Variants in AMACR observed in about 807,000 individuals in gnomAD.
AMACR encodes the protein 2-methylacyl-CoA racemase.
In AMACR, 18 loss-of-function variants were observed where a neutral mutation model predicts 22.2. That is an observed-to-expected ratio of 0.81 (90% CI 0.56 to 1.20). AMACR has a LOEUF of 1.20. AMACR is among the 50% of genes most tolerant of loss of function. The probability of loss-of-function intolerance (pLI) is 0.00; values close to 1 mark genes in which losing one functional copy is unlikely to be tolerated. For missense variants in AMACR, 499 were observed against 490.6 expected (o/e 1.02, Z -0.16); for synonymous variants, 213 against 191.3 (o/e 1.11, Z -0.94).
Position 33,998,827 on chromosome 5 carries a change from C to G in AMACR, c.553G>C (p.Val185Leu). 1 of 1,613,904 alleles carries G rather than the reference C, an allele frequency of 6.2e-7. No homozygotes were observed. Among genetic ancestry groups the G allele is most frequent in the Non-Finnish European group, 8.5e-7 (1 of 1,179,842 alleles). Residue 185 changes from valine to leucine, a missense_variant and splice_region_variant, in exon 4 of 5, where the codon GTG becomes CTG. Val to Leu is a conservative substitution (Grantham distance 32). Coordinates refer to ENST00000335606, the MANE Select transcript of AMACR (RefSeq NM_014324.6). Reference protein sequence around the residue: ...GKGQVIDANMVEGTAYLSSFL... With the variant: ...GKGQVIDANMLEGTAYLSSFL... ...GAACTTAAATATGCTGTTCCTTCCA[C>G]CTTTGAGAAAACAGAATACAAGACA... is the stretch of plus-strand genomic sequence containing the variant.
At position 34,007,981 on chromosome 5, in the gene AMACR, G is replaced by C. The variant is rs998840712; in HGVS notation, c.39C>G (p.Gly13=). Residue 13 remains glycine (G), a synonymous_variant, in exon 1 of 5, where the codon GGC becomes GGG. Transcript: ENST00000335606. ...LQGISVVELS[G]LAPGPFCAMV... ...TAGCACAGAACGGGCCCGGGGCCAGGCCGGACAGCTCCACGACCGAGATGC... is the reference window on the plus strand; with the variant it reads ...TAGCACAGAACGGGCCCGGGGCCAGCCCGGACAGCTCCACGACCGAGATGC... 11 of 1,611,498 alleles carry C rather than the reference G, an allele frequency of 6.8e-6. No individual in the cohort carries two copies. The highest frequency in any genetic ancestry group is 9.3e-6 in the Non-Finnish European group (11 of 1,179,770).
intron 4 of AMACR, among the ~76,000 whole-genome samples, chr5:33,991,865 C>T (rs1230554703): frequency 6.6e-6 from 1 of 151,772 alleles, no homozygotes; most frequent in Non-Finnish European, 1.5e-5. Flanking sequence ...CTCAGCCTCC[C>T]TATTTTTATT....
intron 4 of AMACR, among the ~76,000 whole-genome samples, chr5:33,996,310 T>C (rs1753632900): frequency 6.6e-6 from 1 of 152,158 alleles, no homozygotes. Context: ...AACATATTCC[T>C]GAGAATTTTT....
intron 1 of AMACR, among the ~76,000 whole-genome samples, chr5:34,006,280 C>G (rs1753975374): frequency 6.6e-6 from 1 of 152,214 alleles, no homozygotes; most frequent in Non-Finnish European, 1.5e-5. Context: ...TCTTCCCTAT[C>G]AGCTCATGAG....
At chr5:33,991,880 T>C (rs577595068) in intron 4 of AMACR, among the ~76,000 whole-genome samples, 6 of 152,008 alleles carry the variant, frequency 3.9e-5, no homozygotes, top group African/African-American at 1.2e-4. Context: ...TTTATTTATT[T>C]GTTTACTTAT....
chr5:34,007,850 A>C lies in AMACR; in HGVS notation c.170T>G (p.Leu57Arg). 1.9e-6 allele frequency: 3 copies of C among 1,583,374 alleles called. No individual in the cohort carries two copies. The highest frequency in any genetic ancestry group is 2.6e-6 in the Non-Finnish European group (3 of 1,167,654). ...CACGGCGGCTCCCCGCGGCTGCTTC[A>C]GGTCCAGCACTAGCGAGCGCTTGCC... ...GRGKRSLVLD[L>R]KQPRGAAVLR... The change falls in exon 1 of 5, where the codon CTG becomes CGG. Residue 57 changes from leucine (L) to arginine (R), a missense_variant. Leu to Arg is a moderately radical substitution (Grantham distance 102). Coordinates refer to ENST00000335606, the MANE Select transcript of AMACR (RefSeq NM_014324.6).
Position 33,987,674 on chromosome 5 carries a change from T to A in AMACR, c.*1419A>T, listed in dbSNP as rs1753335364. On this transcript the variant is annotated 3_prime_UTR_variant, in exon 5 of 5. Transcript: ENST00000335606. ...ATGGACACCAACATGGAGCAGAAAATGAGGGCAGCAGTGTCCAATCTCATT... is the reference window on the plus strand; with the variant it reads ...ATGGACACCAACATGGAGCAGAAAAAGAGGGCAGCAGTGTCCAATCTCATT... 6.6e-6 allele frequency: 1 copy of A among 152,188 alleles called. No individual in the cohort carries two copies. Among genetic ancestry groups the A allele is most frequent in the Non-Finnish European group, 1.5e-5 (1 of 68,050 alleles). 9.4% of individuals were successfully genotyped at this position (152,188 alleles called of 1,614,324 possible).
chr5:34,003,481 T>C (rs1753880620), intron 3 of AMACR, among the ~76,000 whole-genome samples: 1 of 152,196 alleles, frequency 6.6e-6, no homozygotes, highest in South Asian at 2.1e-4. Flanking sequence ...ATTATCTCCA[T>C]TTTACAAAGG....
In AMACR at chr5:33,988,726, G is replaced by C; in HGVS notation, c.*367C>G. 1.7e-6 allele frequency: 2 copies of C among 1,193,466 alleles called. No homozygotes were observed. The highest frequency in any genetic ancestry group is 2.1e-6 in the Non-Finnish European group (2 of 959,290). 73.9% of individuals were successfully genotyped at this position (1,193,466 alleles called of 1,614,324 possible). ...GTGGCATTTCCTCATTTTCTACATT[G>C]TAGAATCAAGAGTGTAAATAAATGT... On this transcript the variant is annotated 3_prime_UTR_variant, in exon 5 of 5. Transcript: ENST00000335606.
intron 3 of AMACR, among the ~76,000 whole-genome samples, chr5:34,001,182 C>T (rs1753803683): frequency 6.6e-6 from 1 of 152,228 alleles, no homozygotes; most frequent in South Asian, 2.1e-4. Flanking sequence ...CTCAATTTGC[C>T]ACCAACCTTT....
In AMACR at chr5:33,989,505, G is replaced by C; in HGVS notation, c.740-3C>G. 1 of 1,611,504 alleles carries C rather than the reference G, an allele frequency of 6.2e-7. No individual in the cohort carries two copies. The highest frequency in any genetic ancestry group is 1.1e-5 in the South Asian group (1 of 91,024). On this transcript the variant is annotated splice_polypyrimidine_tract_variant and splice_region_variant and intron_variant, in intron 4 of 4. Coordinates refer to ENST00000335606, the MANE Select transcript of AMACR (RefSeq NM_014324.6). ...TTCATCAGACTTTAGTCCAAGTCCT[G>C]AGGAAAAATACAATTTCCTAAATTA... is the stretch of plus-strand genomic sequence containing the variant.
intron 4 of AMACR, chr5:33,997,067 T>A: frequency 1.4e-6 from 1 of 734,878 alleles, no homozygotes; most frequent in Admixed American, 2.0e-5. Context: ...AGCATGTCCT[T>A]AGGTTTTACC....
rs1376599461 is a variant in AMACR at position 34,005,828 on chromosome 5, G to T, written c.319C>A (p.Leu107Met). The T allele has an allele frequency of 1.9e-6, 3 of 1,613,996 alleles. No individual in the cohort carries two copies. The highest frequency in any genetic ancestry group is 3.3e-5 in the Admixed American group (2 of 60,002). Residue 107 changes from leucine (L) to methionine (M), a missense_variant, in exon 2 of 5, where the codon CTG becomes ATG. Coordinates refer to ENST00000335606, the MANE Select transcript of AMACR (RefSeq NM_014324.6). The stretch of plus-strand genomic sequence containing the variant: ...CTTCCTGACTGGCCAAATCCACTCA[G>T]CCTGGCATAAATAAGCCTTGGATTT... ...RENPRLIYAR[L>M]SGFGQSGSFC... is the part of the protein sequence containing the mutation.
intron 2 of AMACR, 114 bp from the exon 3 acceptor site, chr5:34,004,848 A>C: frequency 7.9e-7 from 1 of 1,258,326 alleles, no homozygotes; most frequent in Non-Finnish European, 1.1e-6. Context: ...TCTAAGTGAA[A>C]GCTAGTATAC....
At chr5:33,996,644 A>G (rs1753643862) in intron 4 of AMACR, among the ~76,000 whole-genome samples, 1 of 117,922 alleles carries the variant, frequency 8.5e-6, no homozygotes, top group Non-Finnish European at 1.5e-5. Flanking sequence ...AATTTTGCCT[A>G]TAGTCCCAGC....
At chr5:34,002,768 C>T (rs902826548) in intron 3 of AMACR, among the ~76,000 whole-genome samples, 11 of 152,260 alleles carry the variant, frequency 7.2e-5, no homozygotes, top group Admixed American at 2.6e-4. Context: ...TCTCATGCAG[C>T]GACTATGCCA....
At chr5:33,997,029 T>C (rs1753658443) in intron 4 of AMACR, 3 of 661,758 alleles carry the variant, frequency 4.5e-6, no homozygotes, top group Non-Finnish European at 2.8e-6. Context: ...TTATTTTCAT[T>C]AAAACTTATT....
Position 33,987,029 on chromosome 5 carries a change from T to G in AMACR, c.*2064A>C, listed in dbSNP as rs1753313589. On this transcript the variant is annotated 3_prime_UTR_variant, in exon 5 of 5. Coordinates refer to ENST00000335606, the MANE Select transcript of AMACR (RefSeq NM_014324.6). ...TTTTATTATTATTATTTTTATTTATTTATTTAGAGACAGGTTCTTGTTCTG... is the reference window on the plus strand; with the variant it reads ...TTTTATTATTATTATTTTTATTTATGTATTTAGAGACAGGTTCTTGTTCTG... 6.6e-6 allele frequency: 1 copy of G among 152,086 alleles called. No homozygotes were observed. The highest frequency in any genetic ancestry group is 1.5e-5 in the Non-Finnish European group (1 of 68,020). 9.4% of individuals were successfully genotyped at this position (152,086 alleles called of 1,614,324 possible). A position where few individuals can be genotyped will look rare whatever the true frequency, so the allele number is the denominator to read the frequency against.
chr5:33,998,747 G>T lies in AMACR; in HGVS notation c.633C>A (p.Asn211Lys). 1 of 1,614,050 alleles carries T rather than the reference G, an allele frequency of 6.2e-7. No individual in the cohort carries two copies. Among genetic ancestry groups the T allele is most frequent in the Non-Finnish European group, 8.5e-7 (1 of 1,180,000 alleles). Residue 211 changes from asparagine (N) to lysine (K), a missense_variant, in exon 4 of 5, where the codon AAC becomes AAA. By Grantham distance (94) the Asn-to-Lys change is moderately conservative (BLOSUM62 0). Coordinates refer to ENST00000335606, the MANE Select transcript of AMACR (RefSeq NM_014324.6). ...LSLWEAPRGQ[N>K]MLDGGAPFYT... is the part of the protein sequence containing the mutation. ...AGAAAGGTGCTCCACCATCCAACATGTTCTGTCCTCGAGGTGCTTCCCACA... is the reference window on the plus strand; with the variant it reads ...AGAAAGGTGCTCCACCATCCAACATTTTCTGTCCTCGAGGTGCTTCCCACA...
Sources: allele counts gnomAD v4.1 joint callset (sites outside exome capture counted in the v4.1 genomes callset), GRCh38; gene constraint gnomAD v4.1.1; transcripts MANE v1.5; gene names NCBI Gene and HGNC (gene_info 2026-07-23, HGNC 2026-07-21).